Variants in IGF2BP1 observed in about 807,000 individuals in gnomAD.
The protein encoded by IGF2BP1 is insulin-like growth factor 2 mRNA-binding protein 1.
IGF2BP1 carries 11 observed loss-of-function variants against 74.9 expected under a neutral mutation model. The observed-to-expected ratio is 0.15, with a 90% CI of 0.09 to 0.24. The LOEUF (loss-of-function observed/expected upper bound fraction) is 0.24. IGF2BP1 is among the 10% of genes least tolerant of loss of function. IGF2BP1 has a pLI of 1.00. For missense variants in IGF2BP1, 440 were observed against 757.4 expected (o/e 0.58, Z 4.92); for synonymous variants, 287 against 281.8 (o/e 1.02, Z -0.18).
At chr17:49,020,931 C>A (rs1324150646) in intron 2 of IGF2BP1, among the ~76,000 whole-genome samples, 1 of 148,608 alleles carries the variant, frequency 6.7e-6, no homozygotes, top group Non-Finnish European at 1.5e-5. Context: ...GAGTGTGAGA[C>A]CAGCCTCGAA....
intron 9 of IGF2BP1, 114 bp downstream of exon 9, chr17:49,042,491 T>C: frequency 9.0e-7 from 1 of 1,109,026 alleles, no homozygotes; most frequent in Non-Finnish European, 1.3e-6. Flanking sequence ...GGAGCTTTAG[T>C]TGATGCTTTT....
chr17:49,000,724 G>A (rs1181351055), intron 2 of IGF2BP1, among the ~76,000 whole-genome samples: 2 of 152,214 alleles, frequency 1.3e-5, no homozygotes, highest in Non-Finnish European at 2.9e-5. Context: ...AAATTTTAGG[G>A]AATAAAGTGA....
intron 5 of IGF2BP1, among the ~76,000 whole-genome samples, chr17:49,033,781 C>T (rs1411968560): frequency 6.6e-6 from 1 of 152,114 alleles, no homozygotes; most frequent in Non-Finnish European, 1.5e-5. Context: ...GCAAGCCATT[C>T]TGTCTCCAAT....
At chr17:49,032,420 G>A (rs926488715) in intron 5 of IGF2BP1, among the ~76,000 whole-genome samples, 4 of 151,896 alleles carry the variant, frequency 2.6e-5, no homozygotes, top group Non-Finnish European at 5.9e-5. Flanking sequence ...TTATTGCAGT[G>A]ATGGTCGTAA....
chr17:49,008,617 A>C (rs1390019814), intron 2 of IGF2BP1, among the ~76,000 whole-genome samples: 1 of 152,158 alleles, frequency 6.6e-6, no homozygotes. Flanking sequence ...AGTTTCTTTT[A>C]AACTTCTAAC....
intron 4 of IGF2BP1, among the ~76,000 whole-genome samples, chr17:49,029,692 A>G (rs1231290493): frequency 6.6e-6 from 1 of 152,064 alleles, no homozygotes; most frequent in Admixed American, 6.6e-5. Context: ...CAGTGTGATC[A>G]TAGCTCACTG....
upstream of IGF2BP1, among the ~76,000 whole-genome samples, chr17:48,996,993 G>A (rs2041409900): frequency 6.6e-6 from 1 of 152,208 alleles, no homozygotes; most frequent in Non-Finnish European, 1.5e-5. Context: ...TCCCCCGCCT[G>A]TCAGTCGCTA....
At chr17:49,039,914 A>G (rs1380648330) in intron 6 of IGF2BP1, 43 bp from the exon 7 acceptor site, 2 of 1,607,386 alleles carry the variant, frequency 1.2e-6, no homozygotes, top group Non-Finnish European at 1.7e-6. Context: ...AAGTACTGGT[A>G]TCACTGGGGA....
At chr17:49,048,853 A>G (rs1745878986) in intron 14 of IGF2BP1, among the ~76,000 whole-genome samples, 1 of 152,106 alleles carries the variant, frequency 6.6e-6, no homozygotes, top group African/African-American at 2.4e-5. Context: ...ATGAGAATCT[A>G]CTGCATGCTG....
chr17:49,025,773 C>T (rs2041845149), intron 3 of IGF2BP1, 107 bp downstream of exon 3: 4 of 885,802 alleles, frequency 4.5e-6, no homozygotes, highest in Non-Finnish European at 7.3e-6. Context: ...TGGGGCCAGG[C>T]TAGGGAGGCC....
chr17:49,025,146 C>G (rs1302798348), intron 2 of IGF2BP1, among the ~76,000 whole-genome samples: 2 of 152,076 alleles, frequency 1.3e-5, no homozygotes, highest in South Asian at 2.1e-4. Flanking sequence ...GAGCCGAGAT[C>G]GCACCATTGC....
At chr17:49,047,467 T>G (rs1231753697) in intron 14 of IGF2BP1, among the ~76,000 whole-genome samples, 1 of 152,110 alleles carries the variant, frequency 6.6e-6, no homozygotes, top group Non-Finnish European at 1.5e-5. Flanking sequence ...CACAACAATT[T>G]CATTTTATAA....
intron 1 of IGF2BP1, 109 bp downstream of exon 1, chr17:48,998,029 G>A (rs2041429683): frequency 3.0e-6 from 4 of 1,316,652 alleles, no homozygotes; most frequent in Non-Finnish European, 4.2e-6. Flanking sequence ...GGGCCTGCGG[G>A]GTTTGGCCTC....
At chr17:48,998,700 AAAAT>A (rs2041440998) in intron 1 of IGF2BP1, among the ~76,000 whole-genome samples, 1 of 151,312 alleles carries the variant, frequency 6.6e-6, no homozygotes. Context: ...CCAACAGAGA[AAAAT>A]AAAGTTTCAT....
In IGF2BP1 at chr17:49,041,384, C is replaced by G. The variant is rs377717972; in HGVS notation, c.825C>G (p.Asp275Glu). The part of the protein sequence containing the change: ...HKEAKDTKTA[D>E]EVPLKILAHN... ...CTTCCTTTGTCTTCCCAAGGGCTGA[C>G]GAGGTTCCCCTGAAGATCCTGGCCC... The change falls in exon 8 of 15, where the codon GAC becomes GAG. Residue 275 changes from aspartate to glutamate, a missense_variant. This residue lies in a region of IGF2BP1 where 184 missense variants were observed against 273.4 expected (regional missense o/e 0.67). Coordinates refer to ENST00000290341, the MANE Select transcript of IGF2BP1 (RefSeq NM_006546.4). The G allele has an allele frequency of 6.2e-7, 1 of 1,614,014 alleles. No individual in the cohort carries two copies. The highest frequency in any genetic ancestry group is 1.7e-5 in the Admixed American group (1 of 59,988).
rs1416916299 is a variant in IGF2BP1 at position 49,050,461 on chromosome 17, C to G, written c.*1017C>G. 1 of 152,224 alleles carries G rather than the reference C, an allele frequency of 6.6e-6. No individual in the cohort carries two copies. The highest frequency in any genetic ancestry group is 6.5e-5 in the Admixed American group (1 of 15,284). 9.4% of individuals were successfully genotyped at this position (152,224 alleles called of 1,614,324 possible). A position where few individuals can be genotyped will look rare whatever the true frequency, so the allele number is the denominator to read the frequency against. On this transcript the variant is annotated 3_prime_UTR_variant, in exon 15 of 15. Coordinates refer to ENST00000290341, the MANE Select transcript of IGF2BP1 (RefSeq NM_006546.4). Reference sequence around the variant, plus strand: ...TGGCCCCAAAGGCTGCCACGGTGCCCTCACCCCAGCCCATGTGCTCCCATA... The same window carrying G: ...TGGCCCCAAAGGCTGCCACGGTGCCGTCACCCCAGCCCATGTGCTCCCATA...
intron 2 of IGF2BP1, among the ~76,000 whole-genome samples, chr17:49,000,370 A>G (rs1018874730): frequency 2.0e-5 from 3 of 152,184 alleles, no homozygotes; most frequent in African/African-American, 7.2e-5. Context: ...GCTTAGCTTG[A>G]TATTTAAGTA....
In IGF2BP1 at chr17:49,051,532, G is replaced by A. The variant is rs572350652; in HGVS notation, c.*2088G>A. ...ATTAAAAGGCCTAGTGGAGCTGGGG[G>A]CTCTCAGTGGTTAAACAATGCCCAA... On this transcript the variant is annotated 3_prime_UTR_variant, in exon 15 of 15. Coordinates refer to ENST00000290341, the MANE Select transcript of IGF2BP1 (RefSeq NM_006546.4). The A allele has an allele frequency of 9.8e-5, 15 of 152,336 alleles. No individual in the cohort carries two copies. Among genetic ancestry groups the A allele is most frequent in the African/African-American group, 3.6e-4 (15 of 41,570 alleles). 9.4% of individuals were successfully genotyped at this position (152,336 alleles called of 1,614,324 possible). A position where few individuals can be genotyped will look rare whatever the true frequency, so the allele number is the denominator to read the frequency against.
intron 2 of IGF2BP1, among the ~76,000 whole-genome samples, chr17:49,019,259 A>G (rs2041745470): frequency 6.6e-6 from 1 of 152,104 alleles, no homozygotes; most frequent in Admixed American, 6.6e-5. Context: ...CCTCTTTCTG[A>G]GACCATCTCA....
Sources: gnomAD v4.1 joint callset for allele counts (sites outside exome capture counted in the v4.1 genomes callset) on GRCh38, gnomAD v4.1.1 for gene constraint, gnomAD v4.1.1 regional missense constraint, MANE v1.5 for transcripts, NCBI Gene and HGNC (gene_info 2026-07-23, HGNC 2026-07-21) for gene names.